The following GSE1 variants were observed in gnomAD, a reference collection of about 807,000 sequenced individuals.
GSE1 encodes Gse1 coiled-coil protein.
A neutral mutation model predicts 112.6 loss-of-function variants in GSE1; 32 were observed. That is an observed-to-expected ratio of 0.28 (90% confidence interval 0.21 to 0.38). GSE1 has a LOEUF of 0.38. GSE1 is among the 10% of genes least tolerant of loss of function. The pLI is 1.00. For synonymous variants in GSE1, 1,115 were observed against 735.6 expected (o/e 1.52, Z -8.35); for missense variants, 2,348 against 1,699.2 (o/e 1.38, Z -6.71).
At chr16:85,313,317 CCT>C (rs1447762100) in intron 1 of GSE1, among the ~76,000 whole-genome samples, 1 of 152,108 alleles carries the variant, frequency 6.6e-6, no homozygotes, top group African/African-American at 2.4e-5. Flanking sequence ...TCCTCAAGGT[CCT>C]CGAGACACCT....
chr16:85,310,052 G>C (rs928325248), intron 1 of GSE1, among the ~76,000 whole-genome samples: 1 of 150,836 alleles, frequency 6.6e-6, no homozygotes, highest in African/African-American at 2.5e-5. Context: ...CCCGAGCCCA[G>C]GCATAAGCCC....
chr16:85,537,148 CA>C (rs1283552647), intron 2 of GSE1, among the ~76,000 whole-genome samples: 3 of 152,154 alleles, frequency 2.0e-5, no homozygotes, highest in African/African-American at 7.2e-5. Context: ...TGGCTCTGAG[CA>C]GCGTTTGGTC....
At chr16:85,321,872 C>T (rs1370872203) in intron 1 of GSE1, among the ~76,000 whole-genome samples, 4 of 152,052 alleles carry the variant, frequency 2.6e-5, no homozygotes, top group African/African-American at 9.7e-5. Context: ...TCTAGAGTAA[C>T]AGCCTCGGAC....
chr16:85,543,879 C>G (rs958495510), intron 2 of GSE1, among the ~76,000 whole-genome samples: 1 of 152,220 alleles, frequency 6.6e-6, no homozygotes, highest in African/African-American at 2.4e-5. Flanking sequence ...GCTCTGTCAT[C>G]CAGGCTGGAG....
At chr16:85,371,578 C>T (rs551505762) in intron 2 of GSE1, among the ~76,000 whole-genome samples, 1 of 152,304 alleles carries the variant, frequency 6.6e-6, no homozygotes, top group Admixed American at 6.5e-5. Flanking sequence ...CTTGGGGCCA[C>T]AGCTGACAGC....
chr16:85,502,083 G>T (rs1388798873), intron 2 of GSE1, among the ~76,000 whole-genome samples: 2 of 152,294 alleles, frequency 1.3e-5, no homozygotes, highest in East Asian at 1.9e-4. Context: ...CTCGATGGGG[G>T]TCCGTGGGAA....
At chr16:85,342,369 G>T (rs1022602392) in intron 1 of GSE1, among the ~76,000 whole-genome samples, 1 of 152,188 alleles carries the variant, frequency 6.6e-6, no homozygotes, top group African/African-American at 2.4e-5. Flanking sequence ...GGCTGGGGAA[G>T]AAATTAATAG....
chr16:85,577,396 G>T (rs1011871879), intron 1 of GSE1, among the ~76,000 whole-genome samples: 1 of 152,194 alleles, frequency 6.6e-6, no homozygotes, highest in Non-Finnish European at 1.5e-5. Context: ...AAGTGCTTCA[G>T]GGCCAGCCAG....
At chr16:85,439,828 G>A (rs2049335012) in intron 2 of GSE1, among the ~76,000 whole-genome samples, 1 of 152,156 alleles carries the variant, frequency 6.6e-6, no homozygotes, top group Non-Finnish European at 1.5e-5. Context: ...ACAGATGCAT[G>A]CATGCACACA....
rs537905622 is a variant in GSE1, at chr16:85,618,948, G to A, written c.7+5550G>A. Reference sequence around the variant, plus strand: ...CAAAGCACTGGAGTTACAGGCATGAGCCACTGTGTCCAGCTTGGCTTTAAT... The same window carrying A: ...CAAAGCACTGGAGTTACAGGCATGAACCACTGTGTCCAGCTTGGCTTTAAT... On this transcript the variant is annotated intron_variant, in intron 1 of 15. Coordinates refer to ENST00000253458, the MANE Select transcript of GSE1 (RefSeq NM_014615.5). Among the ~76,000 whole-genome samples the A allele has an allele frequency of 4.6e-5, 7 of 152,362 alleles. No homozygotes were observed. The South Asian group carries it at 1.2e-3, about 27-fold the overall frequency.
intron 1 of GSE1, among the ~76,000 whole-genome samples, chr16:85,601,143 G>C (rs1249103506): frequency 6.6e-6 from 1 of 152,080 alleles, no homozygotes; most frequent in Non-Finnish European, 1.5e-5. Flanking sequence ...CCAGGGAAGG[G>C]TGGTGGGGCT....
intron 1 of GSE1, among the ~76,000 whole-genome samples, chr16:85,318,837 C>G (rs1333637864): frequency 2.6e-5 from 4 of 152,222 alleles, no homozygotes; most frequent in African/African-American, 9.6e-5. Context: ...ACCTCCCGGA[C>G]TGTCAGTTCC....
At chr16:85,423,596 T>A (rs1276678761) in intron 2 of GSE1, among the ~76,000 whole-genome samples, 2 of 144,560 alleles carry the variant, frequency 1.4e-5, no homozygotes, top group Non-Finnish European at 3.0e-5. Context: ...AGAGAGGAGT[T>A]AGGGGGCTGT....
chr16:85,641,164 C>G (rs1039414011), intron 2 of GSE1, among the ~76,000 whole-genome samples: 4 of 152,272 alleles, frequency 2.6e-5, no homozygotes, highest in Non-Finnish European at 5.9e-5. Context: ...CCTGCAGCCC[C>G]TGTGCCCGTT....
At chr16:85,225,732 T>C (rs895161422) in intron 1 of GSE1, among the ~76,000 whole-genome samples, 3 of 152,270 alleles carry the variant, frequency 2.0e-5, no homozygotes, top group African/African-American at 7.2e-5. Flanking sequence ...TCAGAGCCTC[T>C]CAAACACTTG....
intron 1 of GSE1, 76 bp from the exon 2 acceptor site, chr16:85,633,838 G>C: frequency 8.6e-7 from 1 of 1,157,416 alleles, no homozygotes; most frequent in Non-Finnish European, 1.3e-6. Context: ...TGCTGACACC[G>C]GCCCTGCCGA....
At chr16:85,585,462 G>A (rs1037081305) in intron 1 of GSE1, among the ~76,000 whole-genome samples, 3 of 152,184 alleles carry the variant, frequency 2.0e-5, no homozygotes, top group Non-Finnish European at 4.4e-5. Flanking sequence ...GTACGCCCAG[G>A]ACAGCAGGAC....
intron 1 of GSE1, among the ~76,000 whole-genome samples, chr16:85,180,012 G>T (rs185013822): frequency 2.0e-4 from 31 of 152,354 alleles, no homozygotes; most frequent in Admixed American, 1.6e-3. Context: ...TTCTACATGT[G>T]TTGGCGGGGG....
In GSE1 at chr16:85,374,259, C is replaced by T. The variant is rs138426309; in HGVS notation, c.2464+16616C>T. On this transcript the variant is annotated intron_variant, in intron 2 of 2. Transcript: ENST00000637419. ...CCTGTGCATGGTCGTGCGTGGTCCT[C>T]GGTGTGCAGTGTGTGTCAGTGTGTA... Among the ~76,000 whole-genome samples, 99 of 150,416 alleles carry T rather than the reference C, an allele frequency of 6.6e-4. No individual in the cohort carries two copies. The East Asian group carries it at 8.1e-3, about 12-fold the overall frequency.
Sources: gnomAD v4.1 joint callset for allele counts (sites outside exome capture counted in the v4.1 genomes callset) on GRCh38, gnomAD v4.1.1 for gene constraint, MANE v1.5 for transcripts, NCBI Gene and HGNC (gene_info 2026-07-23, HGNC 2026-07-21) for gene names.